Variants in OR2A12 observed in about 807,000 individuals in gnomAD.
OR2A12 encodes olfactory receptor 2A12.
For synonymous variants in OR2A12, 153 were observed against 149.3 expected, an observed-to-expected ratio of 1.02 and a Z score of -0.18; for missense variants, 380 against 372.5, an observed-to-expected ratio of 1.02 and a Z score of -0.17.
intron 1 of OR2A12, among the ~76,000 whole-genome samples, chr7:144,089,370 TAGAG>T (rs1330485375): frequency 6.6e-6 from 1 of 151,850 alleles, no homozygotes. Context: ...GTGTGTGTGT[TAGAG>T]AGAAAAAAGA....
intron 1 of OR2A12, among the ~76,000 whole-genome samples, chr7:144,088,703 TATAA>T (rs1731991745): frequency 6.6e-6 from 1 of 152,248 alleles, no homozygotes; most frequent in South Asian, 2.1e-4. Context: ...CAGAAGTTTT[TATAA>T]ATACACAGTA....
chr7:144,089,084 A>G (rs190144020), intron 1 of OR2A12, among the ~76,000 whole-genome samples: 49 of 152,328 alleles, frequency 3.2e-4, no homozygotes, highest in Admixed American at 2.6e-4. Flanking sequence ...TGTTGGTTTT[A>G]TGGATATTCT....
chr7:144,089,292 C>T (rs539559384), intron 1 of OR2A12, among the ~76,000 whole-genome samples: 2 of 151,286 alleles, frequency 1.3e-5, no homozygotes, highest in African/African-American at 4.9e-5. Flanking sequence ...TATTTTTAAT[C>T]TCGGTGTGGG....
At chr7:144,091,642 C>T (rs952424109) in intron 1 of OR2A12, among the ~76,000 whole-genome samples, 3 of 151,716 alleles carry the variant, frequency 2.0e-5, no homozygotes, top group South Asian at 2.1e-4. Flanking sequence ...TATGTTTGTT[C>T]GCTGCTTGTA....
chr7:144,092,192 T>G (rs919786131), intron 1 of OR2A12, among the ~76,000 whole-genome samples: 1 of 152,166 alleles, frequency 6.6e-6, no homozygotes, highest in Admixed American at 6.5e-5. Flanking sequence ...GGGTTCTCTA[T>G]TCTCTTCCAT....
intron 1 of OR2A12, among the ~76,000 whole-genome samples, chr7:144,089,251 A>C (rs1216454536): frequency 6.6e-6 from 1 of 151,062 alleles, no homozygotes; most frequent in Non-Finnish European, 1.5e-5. Flanking sequence ...AATTGCTACT[A>C]CCAGTTTCTA....
At chr7:144,093,732 G>A (rs979066352) in intron 1 of OR2A12, among the ~76,000 whole-genome samples, 1 of 150,384 alleles carries the variant, frequency 6.6e-6, no homozygotes, top group Non-Finnish European at 1.5e-5. Flanking sequence ...GCGGTGTTTG[G>A]TTTTTTGTCC....
At chr7:144,093,729 T>G (rs1285198161) in intron 1 of OR2A12, among the ~76,000 whole-genome samples, 1 of 150,954 alleles carries the variant, frequency 6.6e-6, no homozygotes, top group Non-Finnish European at 1.5e-5. Flanking sequence ...CATGCGGTGT[T>G]TGGTTTTTTG....
chr7:144,095,899 C>A lies in OR2A12; in HGVS notation c.792C>A (p.Ser264Arg), dbSNP rs1422770323. 6.2e-7 allele frequency: 1 copy of A among 1,614,088 alleles called. No individual in the cohort carries two copies. Among genetic ancestry groups the A allele is most frequent in the East Asian group, 2.2e-5 (1 of 44,868 alleles). ...AIVMYMAPKS[S>R]HSQERRKILS... ...TCATGTACATGGCCCCCAAGTCAAG[C>A]CATTCTCAAGAACGGAGGAAGATCC... Residue 264 changes from serine (S) to arginine (R), a missense_variant, in exon 2 of 2, where the codon AGC becomes AGA. Coordinates refer to ENST00000641592, the MANE Select transcript of OR2A12 (RefSeq NM_001004135.2).
chr7:144,089,782 C>T (rs2128802343), intron 1 of OR2A12, among the ~76,000 whole-genome samples: 1 of 152,140 alleles, frequency 6.6e-6, no homozygotes, highest in Admixed American at 6.5e-5. Flanking sequence ...TCACACATCT[C>T]CCTCTGTTTA....
In OR2A12 at chr7:144,095,796, G is replaced by A. The variant is rs1412568601; in HGVS notation, c.689G>A (p.Gly230Glu). 1 of 1,614,098 alleles carries A rather than the reference G, an allele frequency of 6.2e-7. No individual in the cohort carries two copies. The highest frequency in any genetic ancestry group is 1.7e-5 in the Admixed American group (1 of 60,020). ...ILVAILRIQS[G>E]EGRRKAFSTC... Reference sequence around the variant, plus strand: ...GTGGCCATCTTGAGGATCCAGTCTGGGGAGGGCCGCAGAAAGGCCTTCTCT... The same window carrying A: ...GTGGCCATCTTGAGGATCCAGTCTGAGGAGGGCCGCAGAAAGGCCTTCTCT... The change falls in exon 2 of 2, where the codon GGG becomes GAG. Residue 230 changes from glycine to glutamate, a missense_variant. Transcript: ENST00000641592.
chr7:144,090,853 G>T (rs1414847478), intron 1 of OR2A12, among the ~76,000 whole-genome samples: 5 of 152,172 alleles, frequency 3.3e-5, no homozygotes, highest in Admixed American at 6.5e-5. Flanking sequence ...TTCCTACAAA[G>T]GACATGATCT....
chr7:144,089,282 TA>T (rs1249817499), intron 1 of OR2A12, among the ~76,000 whole-genome samples: 1 of 152,092 alleles, frequency 6.6e-6, no homozygotes, highest in African/African-American at 2.4e-5. Flanking sequence ...TCCATTATTT[TA>T]TTTTTAATCT....
intron 1 of OR2A12, among the ~76,000 whole-genome samples, chr7:144,089,339 T>TGCGTGTGC (rs2051212306): frequency 6.6e-6 from 1 of 151,976 alleles, no homozygotes; most frequent in South Asian, 2.1e-4. Context: ...TGCGCGTGTG[T>TGCGTGTGC]GCGTGTGCGT....
At chr7:144,093,420 C>G (rs2051239751) in intron 1 of OR2A12, among the ~76,000 whole-genome samples, 1 of 151,976 alleles carries the variant, frequency 6.6e-6, no homozygotes, top group African/African-American at 2.4e-5. Context: ...CAACTTCTTC[C>G]CTTTAATGGT....
chr7:144,087,082 CAT>C, intron 1 of OR2A12, among the ~76,000 whole-genome samples: 1 of 152,102 alleles, frequency 6.6e-6, no homozygotes, highest in East Asian at 1.9e-4. Context: ...GCATAAGAGT[CAT>C]ATATATATTC....
Position 144,095,302 on chromosome 7 carries a change from G to A in OR2A12, c.195G>A (p.Leu65=), listed in dbSNP as rs1277412252. 6.2e-7 allele frequency: 1 copy of A among 1,613,854 alleles called. No individual in the cohort carries two copies. Among genetic ancestry groups the A allele is most frequent in the Non-Finnish European group, 8.5e-7 (1 of 1,179,926 alleles). The change falls in exon 2 of 2, where the codon CTG becomes CTA. Residue 65 remains leucine, a synonymous_variant. Coordinates refer to ENST00000641592, the MANE Select transcript of OR2A12 (RefSeq NM_001004135.2). ...CCATGTATGTCTTCCTGTCACACCTGGCCATTGTGGACATGTCCTATGCCT... is the reference window on the plus strand; with the variant it reads ...CCATGTATGTCTTCCTGTCACACCTAGCCATTGTGGACATGTCCTATGCCT... ...HTPMYVFLSH[L]AIVDMSYASS...
At chr7:144,094,729 A>C (rs2051249169) in intron 1 of OR2A12, among the ~76,000 whole-genome samples, 1 of 152,202 alleles carries the variant, frequency 6.6e-6, no homozygotes, top group South Asian at 2.1e-4. Flanking sequence ...GGAGAAAATA[A>C]AGATTGGTGA....
chr7:144,088,645 A>G lies in OR2A12; in HGVS notation c.-52+2102A>G, dbSNP rs758580008. ...TAAACACACAATTATATTAATGTAT[A>G]CATGCATATATACATATCTCATTAA... On this transcript the variant is annotated intron_variant, in intron 1 of 1. Coordinates refer to ENST00000641592, the MANE Select transcript of OR2A12 (RefSeq NM_001004135.2). Among the ~76,000 whole-genome samples, 110 of 152,360 alleles carry G rather than the reference A, an allele frequency of 7.2e-4. 2 individuals carry two copies. The highest frequency in any genetic ancestry group is 3.4e-3 in the Middle Eastern group (1 of 294).
Sources: gnomAD v4.1 joint callset for allele counts (sites outside exome capture counted in the v4.1 genomes callset) on GRCh38, gnomAD v4.1.1 for gene constraint, MANE v1.5 for transcripts, NCBI Gene and HGNC (gene_info 2026-07-23, HGNC 2026-07-21) for gene names.